LINGO2: variants seen among roughly 807,000 people sequenced by gnomAD.
The protein encoded by LINGO2 is leucine rich repeat and Ig domain containing 2, also known as leucine-rich repeat and immunoglobulin-like domain-containing nogo receptor-interacting protein 2.
Under a neutral mutation model 30.6 loss-of-function variants are expected in LINGO2, and 14 were observed. The observed-to-expected ratio is 0.46, with a 90% confidence interval of 0.30 to 0.72. LINGO2 has a LOEUF of 0.72. Among genes scored for constraint, LINGO2 ranks in the 30% least tolerant of loss-of-function variants. The pLI is 0.07. For synonymous variants in LINGO2, 317 were observed against 288.5 expected (o/e 1.10, Z -1.00); for missense variants, 729 against 751.7 (o/e 0.97, Z 0.35).
At chr9:28,429,996 T>C (rs1267214475) in intron 2 of LINGO2, among the ~76,000 whole-genome samples, 1 of 152,230 alleles carries the variant, frequency 6.6e-6, no homozygotes, top group Non-Finnish European at 1.5e-5. Flanking sequence ...ATTTCCTATA[T>C]TGAATTAGAT....
chr9:29,109,916 T>C, the LINGO2 span, among the ~76,000 whole-genome samples: 2 of 152,340 alleles, frequency 1.3e-5, no homozygotes, highest in South Asian at 2.1e-4. Flanking sequence ...GCCCACTTCA[T>C]TGAAGCCTCT....
intron 1 of LINGO2, among the ~76,000 whole-genome samples, chr9:28,668,915 T>C (rs1270271380): frequency 6.6e-6 from 1 of 152,054 alleles, no homozygotes; most frequent in Non-Finnish European, 1.5e-5. Flanking sequence ...TATTATCTCA[T>C]CCAAGTTCAC....
chr9:28,698,856 ACAT>A, the LINGO2 span, among the ~76,000 whole-genome samples: 3 of 151,978 alleles, frequency 2.0e-5, no homozygotes, highest in African/African-American at 7.2e-5. Flanking sequence ...AACTTGGGCA[ACAT>A]CATGAGACTC....
chr9:28,163,970 A>C (rs1828358449), intron 4 of LINGO2, among the ~76,000 whole-genome samples: 1 of 152,238 alleles, frequency 6.6e-6, no homozygotes, highest in African/African-American at 2.4e-5. Flanking sequence ...AATAAGTCAC[A>C]GCTTGTACTT....
intron 1 of LINGO2, among the ~76,000 whole-genome samples, chr9:28,497,303 A>T (rs961713098): frequency 6.6e-6 from 1 of 152,136 alleles, no homozygotes; most frequent in African/African-American, 2.4e-5. Flanking sequence ...CACCAATCAG[A>T]CACAGATTTG....
chr9:28,529,606 C>CT (rs201066699), intron 1 of LINGO2, among the ~76,000 whole-genome samples: 4,339 of 125,242 alleles, frequency 0.035, 143 homozygotes, highest in African/African-American at 0.091. Context: ...ATTGCAAATA[C>CT]TTTTTTTTTT....
At chr9:28,055,574 A>G (rs1824891380) in intron 4 of LINGO2, among the ~76,000 whole-genome samples, 2 of 152,184 alleles carry the variant, frequency 1.3e-5, no homozygotes, top group African/African-American at 4.8e-5. Flanking sequence ...TTCGAAGTGT[A>G]AGGCTTCAGT....
At chr9:29,211,574 T>TTCTC in the LINGO2 span, among the ~76,000 whole-genome samples, 3 of 139,510 alleles carry the variant, frequency 2.2e-5, no homozygotes, top group Non-Finnish European at 4.8e-5. Flanking sequence ...TTCTCTTCTC[T>TTCTC]TCTCTTCTCT....
intron 2 of LINGO2, among the ~76,000 whole-genome samples, chr9:28,437,316 C>T (rs892351766): frequency 2.6e-4 from 39 of 152,120 alleles, no homozygotes; most frequent in African/African-American, 8.0e-4. Context: ...AGAACTTACA[C>T]GAGCAGCCTC....
chr9:28,599,659 C>T (rs2135740685), intron 1 of LINGO2, among the ~76,000 whole-genome samples: 1 of 152,116 alleles, frequency 6.6e-6, no homozygotes, highest in East Asian at 1.9e-4. Flanking sequence ...TTAATAATGT[C>T]TTCCCATTTT....
the LINGO2 span, among the ~76,000 whole-genome samples, chr9:29,062,275 T>C: frequency 2.0e-5 from 3 of 152,108 alleles, no homozygotes; most frequent in Non-Finnish European, 4.4e-5. Flanking sequence ...GAAAACTGTA[T>C]TGCAGTTCCT....
At chr9:27,974,983 C>T (rs1397144065) in intron 5 of LINGO2, among the ~76,000 whole-genome samples, 3 of 152,114 alleles carry the variant, frequency 2.0e-5, no homozygotes, top group Admixed American at 2.0e-4. Context: ...CTGCCCCAGA[C>T]ATACTCCACA....
chr9:27,968,679 T>A (rs1221966493), intron 5 of LINGO2, among the ~76,000 whole-genome samples: 1 of 151,862 alleles, frequency 6.6e-6, no homozygotes, highest in Non-Finnish European at 1.5e-5. Context: ...ACAATAAAAG[T>A]CCTTCAAAAT....
At chr9:28,486,341 A>G (rs192365876) in intron 1 of LINGO2, among the ~76,000 whole-genome samples, 1 of 152,298 alleles carries the variant, frequency 6.6e-6, no homozygotes, top group Non-Finnish European at 1.5e-5. Flanking sequence ...ATGTTTGGCA[A>G]TTTGTGTGTT....
At chr9:28,817,154 T>C in the LINGO2 span, among the ~76,000 whole-genome samples, 3 of 151,982 alleles carry the variant, frequency 2.0e-5, no homozygotes, top group Non-Finnish European at 2.9e-5. Flanking sequence ...AAAGTTATCA[T>C]CAGTAGGAGG....
intron 1 of LINGO2, among the ~76,000 whole-genome samples, chr9:28,610,569 A>G (rs895496232): frequency 3.9e-5 from 6 of 152,176 alleles, no homozygotes; most frequent in African/African-American, 1.4e-4. Flanking sequence ...TGTTCCTTCC[A>G]CTACCTGTGA....
chr9:28,581,214 A>T (rs1215926251), intron 1 of LINGO2, among the ~76,000 whole-genome samples: 1 of 151,860 alleles, frequency 6.6e-6, no homozygotes, highest in Non-Finnish European at 1.5e-5. Context: ...TTCTTACAGT[A>T]AGAAAACATT....
At chr9:28,719,987 TATA>T in the LINGO2 span, among the ~76,000 whole-genome samples, 14 of 152,066 alleles carry the variant, frequency 9.2e-5, no homozygotes, top group Non-Finnish European at 1.9e-4. Context: ...CATCAGAACA[TATA>T]ATATCTTCTC....
chr9:29,150,521 C>A, the LINGO2 span, among the ~76,000 whole-genome samples: 2 of 152,174 alleles, frequency 1.3e-5, no homozygotes, highest in Admixed American at 6.5e-5. Context: ...CCAGGTAACC[C>A]AGTGAAACGA....
Sources: allele counts gnomAD v4.1 joint callset (sites outside exome capture counted in the v4.1 genomes callset), GRCh38; gene constraint gnomAD v4.1.1; transcripts MANE v1.5; gene names NCBI Gene and HGNC (gene_info 2026-07-23, HGNC 2026-07-21).